ARHGAP27: variants seen among roughly 807,000 people sequenced by gnomAD.
The protein encoded by ARHGAP27 is Rho GTPase activating protein 27.
In ARHGAP27, 53 loss-of-function variants were observed where a neutral mutation model predicts 102.0. That is an observed-to-expected ratio of 0.52 (90% CI 0.42 to 0.65). The LOEUF (loss-of-function observed/expected upper bound fraction) is 0.65. Ranked by LOEUF, ARHGAP27 falls within the 30% of genes least tolerant of loss-of-function variation. ARHGAP27 has a pLI of 0.00. For synonymous variants in ARHGAP27, 525 were observed against 542.8 expected, an observed-to-expected ratio of 0.97 and a Z score of 0.46; for missense variants, 1,117 against 1,256.2, an observed-to-expected ratio of 0.89 and a Z score of 1.68.
chr17:45,416,220 G>GTA lies in ARHGAP27; in HGVS notation c.658-10139_658-10138dup, dbSNP rs1281734676. ...GCCACCAGGCCCAGCTAATTTTTTT[G>GTA]TATTTTTTTTTTTTTAGTAGAGACG... On this transcript the variant is annotated intron_variant, in intron 4 of 19. Transcript: ENST00000685559. 2.0e-5 allele frequency among the ~76,000 whole-genome samples: 3 copies of GTA among 150,302 alleles called. No homozygotes were observed. The East Asian group carries it at 5.9e-4, about 30-fold the overall frequency.
rs1418873848 is a variant in ARHGAP27, at chr17:45,398,728, C to T, written c.1744-681G>A. 8.1e-5 allele frequency among the ~76,000 whole-genome samples: 10 copies of T among 123,512 alleles called. No individual in the cohort carries two copies. The South Asian group carries it at 1.5e-3, about 19-fold the overall frequency. The allele number at this position is 123,512 out of a possible 152,430, so 81.0% of individuals were successfully genotyped here. On this transcript the variant is annotated intron_variant, in intron 12 of 19. Coordinates refer to ENST00000685559, the MANE Select transcript of ARHGAP27 (RefSeq NM_001282290.2). ...CACCCTGGGCGACAGAGCAAGACTC[C>T]GTCTCAAAAAAAAAAAAACAAAACA...
Position 45,429,674 on chromosome 17 carries a change from G to A in ARHGAP27, c.606C>T (p.Tyr202=). The A allele has an allele frequency of 1.3e-6, 2 of 1,578,514 alleles. No individual in the cohort carries two copies. Among genetic ancestry groups the A allele is most frequent in the East Asian group, 4.7e-5 (2 of 42,992 alleles). The change falls in exon 4 of 20, where the codon TAC becomes TAT. Residue 202 remains tyrosine, a synonymous_variant. Coordinates refer to ENST00000685559, the MANE Select transcript of ARHGAP27 (RefSeq NM_001282290.2). ...GGACGTGCAAGTCCTGGATGACCTCGTAGACGTTCTCTGAGTCGCTGCGCG... is the reference window on the plus strand; with the variant it reads ...GGACGTGCAAGTCCTGGATGACCTCATAGACGTTCTCTGAGTCGCTGCGCG... ...PLARSDSENV[Y]EVIQDLHVPP...
Position 45,394,420 on chromosome 17 carries a change from T to A in ARHGAP27, c.*1036A>T, listed in dbSNP as rs139462307. Reference sequence around the variant, plus strand: ...AAAGCGGGCCCCAGATGGGTGTACTTGTGTGTCAGAGTGCCAAGAGGGGCT... The same window carrying A: ...AAAGCGGGCCCCAGATGGGTGTACTAGTGTGTCAGAGTGCCAAGAGGGGCT... On this transcript the variant is annotated 3_prime_UTR_variant, in exon 20 of 20. Coordinates refer to ENST00000685559, the MANE Select transcript of ARHGAP27 (RefSeq NM_001282290.2). 1 of 152,414 alleles carries A rather than the reference T, an allele frequency of 6.6e-6. No individual in the cohort carries two copies. Among genetic ancestry groups the A allele is most frequent in the African/African-American group, 2.4e-5 (1 of 41,560 alleles). 9.4% of individuals were successfully genotyped at this position (152,414 alleles called of 1,614,324 possible).
chr17:45,424,314 C>G (rs776150448), intron 4 of ARHGAP27, among the ~76,000 whole-genome samples: 10 of 152,228 alleles, frequency 6.6e-5, no homozygotes, highest in Non-Finnish European at 1.5e-4. Flanking sequence ...TGCCTGTGCC[C>G]CAGAGCCCTA....
chr17:45,405,535 A>G (rs1040574810), intron 5 of ARHGAP27, 141 bp downstream of exon 5: 6 of 1,167,850 alleles, frequency 5.1e-6, no homozygotes, highest in Non-Finnish European at 7.0e-6. Context: ...TGGGAGCAGG[A>G]GAAGGGGTCA....
intron 5 of ARHGAP27, among the ~76,000 whole-genome samples, 177 bp from the exon 6 acceptor site, chr17:45,405,283 G>A: frequency 6.6e-6 from 1 of 151,114 alleles, no homozygotes; most frequent in Non-Finnish European, 1.5e-5. Flanking sequence ...CCCTGGGGCT[G>A]TGGGAGCAGA....
At chr17:45,424,212 G>C (rs2049322743) in intron 4 of ARHGAP27, among the ~76,000 whole-genome samples, 1 of 152,224 alleles carries the variant, frequency 6.6e-6, no homozygotes, top group South Asian at 2.1e-4. Flanking sequence ...GCCTCACCCG[G>C]CTCAGGCAAC....
rs768573732 is a variant in ARHGAP27, at chr17:45,396,661, C to G, written c.2074+7G>C. On this transcript the variant is annotated splice_region_variant and intron_variant, in intron 15 of 19. Coordinates refer to ENST00000685559, the MANE Select transcript of ARHGAP27 (RefSeq NM_001282290.2). ...CCGGGTCCCCGCCCCCCGCAGGCCTCGGGTACCTTTGATGTAGCCCTTCTC... is the reference window on the plus strand; with the variant it reads ...CCGGGTCCCCGCCCCCCGCAGGCCTGGGGTACCTTTGATGTAGCCCTTCTC... The G allele has an allele frequency of 1.9e-6, 3 of 1,613,410 alleles. No individual in the cohort carries two copies. Among genetic ancestry groups the G allele is most frequent in the Middle Eastern group, 1.6e-4 (1 of 6,080 alleles).
At chr17:45,403,266 A>G (rs1179685536) in intron 11 of ARHGAP27, among the ~76,000 whole-genome samples, 1 of 152,202 alleles carries the variant, frequency 6.6e-6, no homozygotes, top group Non-Finnish European at 1.5e-5. Flanking sequence ...CAGATTAGAT[A>G]GAGCAGATGG....
chr17:45,397,532 T>A lies in ARHGAP27; in HGVS notation c.1842+417A>T, dbSNP rs1358106187. The A allele has an allele frequency of 1.4e-5, 3 of 213,214 alleles. No individual in the cohort carries two copies. In the Admixed American group the frequency reaches 1.6e-4, roughly 12 times the overall value. 13.2% of individuals were successfully genotyped at this position (213,214 alleles called of 1,614,324 possible). On this transcript the variant is annotated intron_variant, in intron 13 of 19. Coordinates refer to ENST00000685559, the MANE Select transcript of ARHGAP27 (RefSeq NM_001282290.2). ...AAGCCCCAGGTCATTTCCAGGTCAG[T>A]AGTTGTCAGAGGGCCCCTGTCCTAG...
chr17:45,409,777 G>A (rs2047673819), intron 4 of ARHGAP27: 2 of 161,880 alleles, frequency 1.2e-5, no homozygotes, highest in African/African-American at 4.8e-5. Flanking sequence ...AGGAGTTACA[G>A]GCGCCTGCCA....
At chr17:45,412,962 C>CTTTTTTTTTTT (rs36233058) in intron 4 of ARHGAP27, among the ~76,000 whole-genome samples, 2 of 41,142 alleles carry the variant, frequency 4.9e-5, no homozygotes, top group African/African-American at 1.9e-4. Context: ...TCAGTATAAT[C>CTTTTTTTTTTT]TTTTTTTTTT....
chr17:45,416,714 A>AT (rs1372983417), intron 4 of ARHGAP27, among the ~76,000 whole-genome samples: 1 of 150,638 alleles, frequency 6.6e-6, no homozygotes, highest in Non-Finnish European at 1.5e-5. Flanking sequence ...CACTCAGCTA[A>AT]TTTTTTGTAT....
chr17:45,416,909 T>C (rs1353453962), intron 4 of ARHGAP27, among the ~76,000 whole-genome samples: 1 of 149,010 alleles, frequency 6.7e-6, no homozygotes. Context: ...AATCCCAGTA[T>C]TTTGGGAGGC....
Position 45,403,645 on chromosome 17 carries a change from A to C in ARHGAP27, c.1612T>G (p.Ser538Ala). The change falls in exon 11 of 20, where the codon TCA (serine) becomes GCA (alanine). Residue 538 changes from serine (S) to alanine (A), a missense_variant. Transcript: ENST00000685559. ...EGGVLTFFKDSKTSAAGGLRQ... is the reference protein window; with the variant it reads ...EGGVLTFFKDAKTSAAGGLRQ... ...AGGCCGCCTGCAGCCGAGGTCTTTG[A>C]GTCCTTGAAGAATGTCAGGACGCCA... The C allele has an allele frequency of 6.2e-7, 1 of 1,614,046 alleles. No individual in the cohort carries two copies. Among genetic ancestry groups the C allele is most frequent in the Non-Finnish European group, 8.5e-7 (1 of 1,179,988 alleles).
intron 5 of ARHGAP27, 125 bp downstream of exon 5, chr17:45,405,551 T>C: frequency 7.8e-7 from 1 of 1,283,426 alleles, no homozygotes. Flanking sequence ...GGTCAAAGGC[T>C]CTCAGAGGTA....
chr17:45,404,205 G>A (rs999600988), intron 9 of ARHGAP27, 64 bp downstream of exon 9: 19 of 1,610,378 alleles, frequency 1.2e-5, no homozygotes, highest in African/African-American at 6.7e-5. Flanking sequence ...GTCTGGGCCC[G>A]TGTCTCCACT....
At chr17:45,428,180 C>G (rs1298559958) in intron 4 of ARHGAP27, among the ~76,000 whole-genome samples, 2 of 152,356 alleles carry the variant, frequency 1.3e-5, no homozygotes, top group Admixed American at 6.5e-5. Flanking sequence ...GTCACTAGGA[C>G]AGAGTGGCAG....
rs766669825 is a variant in ARHGAP27 at position 45,396,225 on chromosome 17, G to C, written c.2233C>G (p.Arg745Gly). ...GCCTCACCGTGGTCCACCTTATAGC[G>C]TAGCTTCTGGATGGTGGCCAGGTTT... ...SGNLATIQKL[R>G]YKVDHDERLD... Residue 745 changes from arginine to glycine, a missense_variant, in exon 17 of 20, where the codon CGC becomes GGC. Transcript: ENST00000685559. The C allele has an allele frequency of 1.9e-6, 3 of 1,613,322 alleles. No homozygotes were observed. The highest frequency in any genetic ancestry group is 2.5e-6 in the Non-Finnish European group (3 of 1,179,554).
Sources: gnomAD v4.1 joint callset for allele counts (sites outside exome capture counted in the v4.1 genomes callset) on GRCh38, gnomAD v4.1.1 for gene constraint, MANE v1.5 for transcripts, NCBI Gene and HGNC (gene_info 2026-07-23, HGNC 2026-07-21) for gene names.